The following KIF26B variants were observed in gnomAD, a reference collection of about 807,000 sequenced individuals.
The protein encoded by KIF26B is kinesin family member 26B.
A neutral mutation model predicts 151.2 loss-of-function variants in KIF26B; 63 were observed. The ratio of observed to expected loss-of-function variants is 0.42; its 90% CI spans 0.34 to 0.51. KIF26B has a LOEUF of 0.51. KIF26B is among the 20% of genes least tolerant of loss of function. KIF26B has a pLI of 0.07. For missense variants in KIF26B, 2,813 were observed against 2,913.6 expected (o/e 0.97, Z 0.79); for synonymous variants, 1,357 against 1,262.1 (o/e 1.08, Z -1.59).
chr1:245,652,917 A>G (rs2044035883), intron 10 of KIF26B, among the ~76,000 whole-genome samples: 1 of 152,184 alleles, frequency 6.6e-6, no homozygotes, highest in Admixed American at 6.5e-5. Context: ...GGCTGGGTAG[A>G]AATTGGAAGG....
At chr1:245,330,918 C>A (rs1319195580) in intron 2 of KIF26B, among the ~76,000 whole-genome samples, 1 of 151,634 alleles carries the variant, frequency 6.6e-6, no homozygotes, top group African/African-American at 2.4e-5. Context: ...GCAGGCTCAC[C>A]AATGAGGTGC....
intron 2 of KIF26B, among the ~76,000 whole-genome samples, chr1:245,191,081 AAAAAAAG>A (rs1669100700): frequency 6.6e-6 from 1 of 151,016 alleles, no homozygotes; most frequent in African/African-American, 2.4e-5. Flanking sequence ...AAAAAAAAAA[AAAAAAAG>A]AGATAAGAAC....
chr1:245,385,393 G>A (rs558923805), intron 3 of KIF26B, among the ~76,000 whole-genome samples: 1 of 152,164 alleles, frequency 6.6e-6, no homozygotes, highest in Non-Finnish European at 1.5e-5. Context: ...AGGTATATAT[G>A]CTATTAGTAT....
chr1:245,448,201 G>GT (rs201426582), intron 4 of KIF26B, among the ~76,000 whole-genome samples: 28 of 152,144 alleles, frequency 1.8e-4, no homozygotes, highest in Admixed American at 1.4e-3. Flanking sequence ...TTATTTGTAT[G>GT]TTTTTTTTGT....
chr1:245,687,448 A>G lies in KIF26B; in HGVS notation c.4465A>G (p.Arg1489Gly). The G allele has an allele frequency of 6.3e-7, 1 of 1,588,948 alleles. No homozygotes were observed. Among genetic ancestry groups the G allele is most frequent in the Non-Finnish European group, 8.6e-7 (1 of 1,167,990 alleles). The stretch of plus-strand genomic sequence containing the variant: ...GGACGGAAAGCCCAGTCCGGGAGAC[A>G]GGCTCAGCAGCAGCAGCGGAGAGGT... The part of the protein sequence containing the change: ...EQDGKPSPGD[R>G]LSSSSGEVSA... Residue 1489 changes from arginine (R) to glycine (G), a missense_variant, in exon 12 of 15, where the codon AGG becomes GGG. By Grantham distance (125) the Arg-to-Gly change is moderately radical. Around this residue, in one of 3 missense-constraint regions of KIF26B, gnomAD observed 2,060 missense variants for 2,088.6 expected, o/e 0.99. Transcript: ENST00000407071. This position sits in a 1 kb window ranked among gnomAD's most constrained non-coding sequence, Gnocchi z 4.9.
intron 9 of KIF26B, among the ~76,000 whole-genome samples, chr1:245,632,834 G>T (rs1232218754): frequency 1.3e-5 from 2 of 152,170 alleles, no homozygotes; most frequent in Non-Finnish European, 2.9e-5. Context: ...TTTGAGCCTG[G>T]GAGATTGAGG....
intron 2 of KIF26B, among the ~76,000 whole-genome samples, chr1:245,311,466 G>A (rs1558384578): frequency 6.6e-6 from 1 of 152,064 alleles, no homozygotes; most frequent in African/African-American, 2.4e-5. Context: ...AGCCGGGTAT[G>A]GTGGTTTGCT....
At chr1:245,497,807 G>C (rs1348967097) in intron 4 of KIF26B, among the ~76,000 whole-genome samples, 1 of 152,174 alleles carries the variant, frequency 6.6e-6, no homozygotes, top group African/African-American at 2.4e-5. Context: ...GCAATGGCGT[G>C]ATCTCAGCTC....
At chr1:245,337,998 AGG>A (rs1037466586) in intron 2 of KIF26B, among the ~76,000 whole-genome samples, 59 of 152,306 alleles carry the variant, frequency 3.9e-4, no homozygotes, top group African/African-American at 1.3e-3. Context: ...ACAGGAAGAG[AGG>A]GGACAGAAAG....
intron 2 of KIF26B, among the ~76,000 whole-genome samples, chr1:245,172,350 G>A (rs1230747767): frequency 3.3e-5 from 5 of 152,208 alleles, no homozygotes; most frequent in African/African-American, 9.7e-5. Flanking sequence ...TGTCATGGCT[G>A]GGAGGGAGTC....
intron 4 of KIF26B, among the ~76,000 whole-genome samples, chr1:245,480,928 G>A (rs146331718): frequency 6.6e-6 from 1 of 151,790 alleles, no homozygotes; most frequent in African/African-American, 2.4e-5. Context: ...GATCCAGACA[G>A]CAGTTCACCC....
chr1:245,482,166 C>A (rs12409262), intron 4 of KIF26B, among the ~76,000 whole-genome samples: 31,628 of 151,632 alleles, frequency 0.21, 4,069 homozygotes, highest in African/African-American at 0.33. Context: ...ATCTCGGCTC[C>A]CTGCAACCTC....
At chr1:245,552,425 T>C (rs996700512) in intron 5 of KIF26B, among the ~76,000 whole-genome samples, 4 of 132,466 alleles carry the variant, frequency 3.0e-5, no homozygotes, top group African/African-American at 5.2e-5. Context: ...GTTAATCTCA[T>C]CTAAAAAAAT....
intron 2 of KIF26B, among the ~76,000 whole-genome samples, chr1:245,326,850 C>A (rs1052828478): frequency 6.6e-6 from 1 of 152,230 alleles, no homozygotes; most frequent in Admixed American, 6.5e-5. Context: ...AGTCATCTGG[C>A]CAGTCCAGTT....
chr1:245,555,664 A>G (rs1207331048), intron 5 of KIF26B, among the ~76,000 whole-genome samples: 1 of 152,004 alleles, frequency 6.6e-6, no homozygotes, highest in African/African-American at 2.4e-5. Flanking sequence ...GCATTTTTTG[A>G]TGGTTTGTAG....
intron 4 of KIF26B, among the ~76,000 whole-genome samples, chr1:245,431,145 T>C (rs572383769): frequency 3.9e-5 from 6 of 152,168 alleles, no homozygotes; most frequent in Non-Finnish European, 8.8e-5. Flanking sequence ...GGGTACAAAG[T>C]GCACCACAGA....
intron 2 of KIF26B, among the ~76,000 whole-genome samples, chr1:245,242,218 C>T (rs1424516671): frequency 6.6e-6 from 1 of 152,204 alleles, no homozygotes; most frequent in Non-Finnish European, 1.5e-5. Context: ...CAGCGAGACC[C>T]TGTCTCTATG....
Position 245,654,642 on chromosome 1 carries a change from G to T in KIF26B, c.2258+8362G>T, listed in dbSNP as rs895044174. Among the ~76,000 whole-genome samples, 6 of 152,212 alleles carry T rather than the reference G, an allele frequency of 3.9e-5. No individual in the cohort carries two copies. In the South Asian group the frequency reaches 1.0e-3, roughly 26 times the overall value. On this transcript the variant is annotated intron_variant, in intron 10 of 14. Transcript: ENST00000407071. ...CTCCACCAGGCTTTCTCTGGCTCCA[G>T]GACCCCCACGAAGGCCTCCTGATTT...
intron 4 of KIF26B, among the ~76,000 whole-genome samples, chr1:245,422,733 T>A (rs1658520338): frequency 6.6e-6 from 1 of 151,892 alleles, no homozygotes; most frequent in Admixed American, 6.6e-5. Context: ...GGAGAGAGAG[T>A]CCTCTGAGTC....
Sources: allele counts gnomAD v4.1 joint callset (sites outside exome capture counted in the v4.1 genomes callset), GRCh38; gene constraint gnomAD v4.1.1; regional missense constraint gnomAD v4.1.1; non-coding constraint Gnocchi (gnomAD v3.1); transcripts MANE v1.5; gene names NCBI Gene and HGNC (gene_info 2026-07-23, HGNC 2026-07-21).